The following BCAS3 variants were observed in gnomAD, a reference collection of about 807,000 sequenced individuals.
BCAS3 encodes BCAS3 microtubule associated cell migration factor, also known as BCAS4/BCAS3 fusion.
In BCAS3, 53 loss-of-function variants were observed where a neutral mutation model predicts 116.1. The observed-to-expected ratio is 0.46, with a 90% CI of 0.37 to 0.57. The LOEUF (loss-of-function observed/expected upper bound fraction) is 0.57, where lower values mean the gene tolerates loss of function less well. BCAS3 is among the 20% of genes least tolerant of loss of function. The pLI is 0.00. For missense variants in BCAS3, 917 were observed against 1,165.4 expected (o/e 0.79, Z 3.10); for synonymous variants, 391 against 408.2 (o/e 0.96, Z 0.51).
intron 12 of BCAS3, among the ~76,000 whole-genome samples, chr17:60,912,479 C>T (rs1401751173): frequency 6.6e-6 from 1 of 152,054 alleles, no homozygotes; most frequent in East Asian, 1.9e-4. Flanking sequence ...TCTGCAATTA[C>T]AACAAAAAAA....
intron 22 of BCAS3, among the ~76,000 whole-genome samples, chr17:61,184,120 A>T (rs2079630985): frequency 6.6e-6 from 1 of 152,158 alleles, no homozygotes; most frequent in South Asian, 2.1e-4. Flanking sequence ...GTTGATGGAA[A>T]ATGTCGTGAC....
chr17:60,985,881 C>T (rs967770085), intron 14 of BCAS3, among the ~76,000 whole-genome samples: 3 of 152,154 alleles, frequency 2.0e-5, no homozygotes, highest in Non-Finnish European at 2.9e-5. Flanking sequence ...GAATTACAGG[C>T]GCACGCCAAC....
At position 61,026,871 on chromosome 17, in the gene BCAS3, A is replaced by G; in HGVS notation, c.1638-7795A>G. 1.3e-6 allele frequency: 2 copies of G among 1,598,744 alleles called. No homozygotes were observed. Among genetic ancestry groups the G allele is most frequent in the South Asian group, 1.1e-5 (1 of 88,024 alleles). On this transcript the variant is annotated intron_variant, in intron 16 of 23. Coordinates refer to ENST00000407086, the MANE Select transcript of BCAS3 (RefSeq NM_017679.5). This position sits in a 1 kb window ranked among gnomAD's most constrained non-coding sequence, Gnocchi z 5.0. ...TTTCCCCCTTTTCCATGAAGGCCTT[A>G]TCTCTTTGGAGCGGGGTGTTTTTCC...
intron 22 of BCAS3, among the ~76,000 whole-genome samples, chr17:61,272,767 T>C (rs2050417854): frequency 6.6e-6 from 1 of 151,828 alleles, no homozygotes; most frequent in Admixed American, 6.6e-5. Context: ...TCTACTCCTG[T>C]TCAGATACAT....
At position 61,021,688 on chromosome 17, in the gene BCAS3, G is replaced by A. The variant is rs1165911579; in HGVS notation, c.1637+5787G>A. On this transcript the variant is annotated intron_variant, in intron 16 of 23. Transcript: ENST00000407086. The surrounding 1 kb of genome is among the most constrained non-coding windows in gnomAD (Gnocchi z 4.6). Reference sequence around the variant, plus strand: ...GATGGGCTCAGGCCCCACTTAGAAAGCATAGATGCTTTTAAATGATATTAA... The same window carrying A: ...GATGGGCTCAGGCCCCACTTAGAAAACATAGATGCTTTTAAATGATATTAA... Among the ~76,000 whole-genome samples, 1 of 152,198 alleles carries A rather than the reference G, an allele frequency of 6.6e-6. No homozygotes were observed. The highest frequency in any genetic ancestry group is 1.5e-5 in the Non-Finnish European group (1 of 68,038).
At chr17:60,781,836 T>C (rs1598674817) in intron 6 of BCAS3, among the ~76,000 whole-genome samples, 1 of 152,236 alleles carries the variant, frequency 6.6e-6, no homozygotes, top group East Asian at 1.9e-4. Flanking sequence ...TCTAGACCTA[T>C]TTCTAGGTGT....
chr17:60,914,816 C>T (rs2058695926), intron 12 of BCAS3, among the ~76,000 whole-genome samples: 1 of 152,102 alleles, frequency 6.6e-6, no homozygotes, highest in African/African-American at 2.4e-5. Context: ...ATCTGTAATA[C>T]ATAACATACG....
intron 5 of BCAS3, among the ~76,000 whole-genome samples, chr17:60,728,753 A>G (rs2040168604): frequency 6.6e-6 from 1 of 152,220 alleles, no homozygotes; most frequent in African/African-American, 2.4e-5. Context: ...TGCTGGGATT[A>G]CAGGCATGAG....
intron 7 of BCAS3, among the ~76,000 whole-genome samples, chr17:60,823,588 G>A (rs2050139327): frequency 6.6e-6 from 1 of 152,078 alleles, no homozygotes; most frequent in Non-Finnish European, 1.5e-5. Context: ...AAACGAAATG[G>A]AGAGAGAAAG....
chr17:61,067,307 A>ATATATATT (rs2070769814), intron 19 of BCAS3, among the ~76,000 whole-genome samples: 1 of 134,662 alleles, frequency 7.4e-6, no homozygotes, highest in Non-Finnish European at 1.6e-5. Context: ...ATATATATAT[A>ATATATATT]TATATATATT....
At position 61,209,903 on chromosome 17, in the gene BCAS3, A is replaced by G. The variant is rs565542299; in HGVS notation, c.2425+125339A>G. Among the ~76,000 whole-genome samples the G allele has an allele frequency of 1.1e-4, 17 of 152,260 alleles. 1 individual carries two copies. The South Asian group carries it at 2.3e-3, about 20-fold the overall frequency. On this transcript the variant is annotated intron_variant, in intron 22 of 23. Transcript: ENST00000407086. ...AGTTAAGGGATCTGTCATCCGCCCA[A>G]TATTCGTCTTTTCTGTTTCCTGTCC...
In BCAS3 at chr17:61,249,468, T is replaced by A. The variant is rs2048210514; in HGVS notation, c.2426-118859T>A. On this transcript the variant is annotated intron_variant, in intron 22 of 23. Transcript: ENST00000407086. The surrounding 1 kb of genome is among the most constrained non-coding windows in gnomAD (Gnocchi z 6.2). ...AAGGCTTATTTGCTAGCACAAAAGG[T>A]CATGAAACACACCCAAAACTATATT... 6.6e-6 allele frequency among the ~76,000 whole-genome samples: 1 copy of A among 152,096 alleles called. No individual in the cohort carries two copies. The highest frequency in any genetic ancestry group is 2.4e-5 in the African/African-American group (1 of 41,406).
chr17:60,985,807 G>A (rs1239023896), intron 14 of BCAS3, among the ~76,000 whole-genome samples: 1 of 152,194 alleles, frequency 6.6e-6, no homozygotes, highest in Non-Finnish European at 1.5e-5. Flanking sequence ...CACGATCTCA[G>A]CTCACTGCAA....
At chr17:60,707,930 C>G (rs562670501) in intron 4 of BCAS3, among the ~76,000 whole-genome samples, 1 of 152,078 alleles carries the variant, frequency 6.6e-6, no homozygotes, top group African/African-American at 2.4e-5. Flanking sequence ...TATATACATT[C>G]ATGAGGTGGA....
In BCAS3 at chr17:61,253,824, G is replaced by A. The variant is rs56062722; in HGVS notation, c.2426-114503G>A. 5.1e-3 allele frequency among the ~76,000 whole-genome samples: 781 copies of A among 152,102 alleles called. 7 individuals carry two copies. Among genetic ancestry groups the A allele is most frequent in the African/African-American group, 0.018 (744 of 41,484 alleles). On this transcript the variant is annotated intron_variant, in intron 22 of 23. Coordinates refer to ENST00000407086, the MANE Select transcript of BCAS3 (RefSeq NM_017679.5). ...TGAAAGAGACTTTAGAGATGATTAA[G>A]TATACATTACAGTTCGGCCTCCACG... is the stretch of plus-strand genomic sequence containing the variant.
intron 7 of BCAS3, among the ~76,000 whole-genome samples, chr17:60,845,655 A>G (rs545660025): frequency 6.6e-6 from 1 of 152,340 alleles, no homozygotes; most frequent in Non-Finnish European, 1.5e-5. Flanking sequence ...GAAGATCACA[A>G]TCTGATGGAG....
At position 61,013,583 on chromosome 17, in the gene BCAS3, A is replaced by G. The variant is rs2065246708; in HGVS notation, c.1487-2168A>G. Among the ~76,000 whole-genome samples, 1 of 152,032 alleles carries G rather than the reference A, an allele frequency of 6.6e-6. No homozygotes were observed. The highest frequency in any genetic ancestry group is 2.4e-5 in the African/African-American group (1 of 41,412). ...TACAAGGTTCTGTGTTGTGGCCTAAATCATCTTGTGTGTATTGTGAATTCT... is the reference window on the plus strand; with the variant it reads ...TACAAGGTTCTGTGTTGTGGCCTAAGTCATCTTGTGTGTATTGTGAATTCT... On this transcript the variant is annotated intron_variant, in intron 15 of 23. Transcript: ENST00000407086. This position sits in a 1 kb window ranked among gnomAD's most constrained non-coding sequence, Gnocchi z 4.4.
chr17:61,037,760 A>C lies in BCAS3; in HGVS notation c.1763-129A>C. On this transcript the variant is annotated intron_variant, in intron 17 of 23. Transcript: ENST00000407086. This position sits in a 1 kb window ranked among gnomAD's most constrained non-coding sequence, Gnocchi z 4.7. The stretch of plus-strand genomic sequence containing the variant: ...CTCCAAAAAAAAGAAAAAAAGAAAA[A>C]AATTCCTGTCTTTTCATTTTCTCTG... The C allele has an allele frequency of 1.1e-6, 1 of 920,168 alleles. No individual in the cohort carries two copies. Among genetic ancestry groups the C allele is most frequent in the Non-Finnish European group, 1.5e-6 (1 of 645,992 alleles). The allele number at this position is 920,168 out of a possible 1,614,324, so 57.0% of individuals were successfully genotyped here. A position where few individuals can be genotyped will look rare whatever the true frequency, so the allele number is the denominator to read the frequency against.
At chr17:61,169,694 A>G (rs2078721460) in intron 22 of BCAS3, among the ~76,000 whole-genome samples, 1 of 152,210 alleles carries the variant, frequency 6.6e-6, no homozygotes, top group African/African-American at 2.4e-5. Flanking sequence ...TTTAAAGACC[A>G]TTTGATTTTC....
Sources: gnomAD v4.1 joint callset for allele counts (sites outside exome capture counted in the v4.1 genomes callset) on GRCh38, gnomAD v4.1.1 for gene constraint, Gnocchi (gnomAD v3.1) non-coding constraint, MANE v1.5 for transcripts, NCBI Gene and HGNC (gene_info 2026-07-23, HGNC 2026-07-21) for gene names.